Variants in ATP5MK observed in about 807,000 individuals in gnomAD.
ATP5MK encodes the protein ATP synthase membrane subunit k, also known as ATP synthase F(0) complex subunit k, mitochondrial.
ATP5MK carries 5 observed loss-of-function variants against 6.6 expected under a neutral mutation model. That is an observed-to-expected ratio of 0.76 (90% CI 0.40 to 1.60). The LOEUF is 1.60. Among genes scored for constraint, ATP5MK ranks in the 40% most tolerant of loss-of-function variants. ATP5MK has a pLI of 0.02. For missense variants in ATP5MK, 57 were observed against 66.6 expected (o/e 0.86, Z 0.50); for synonymous variants, 30 against 24.5 (o/e 1.22, Z -0.66).
At chr10:103,394,316 G>A (rs1447713037) in intron 2 of ATP5MK, 2 of 534,046 alleles carry the variant, frequency 3.7e-6, no homozygotes, top group Non-Finnish European at 3.9e-6. Context: ...CCGACGCCAC[G>A]CCGAGTCGAT....
At chr10:103,389,686 T>G (rs1445963269) in intron 4 of ATP5MK, among the ~76,000 whole-genome samples, 1 of 152,150 alleles carries the variant, frequency 6.6e-6, no homozygotes, top group Non-Finnish European at 1.5e-5. Flanking sequence ...CAATTTAGTA[T>G]GATCCTAAAG....
rs937745577 is a variant in ATP5MK, at chr10:103,392,608, A to T, written c.-9-142T>A. The stretch of plus-strand genomic sequence containing the variant: ...TTTTTATCTATATCTCACCCAACAC[A>T]GTAGTAGCAAAGATGGTGGAAAAAG... On this transcript the variant is annotated intron_variant, in intron 2 of 4. Coordinates refer to ENST00000369815, the MANE Select transcript of ATP5MK (RefSeq NM_001206427.2). 6 of 620,426 alleles carry T rather than the reference A, an allele frequency of 9.7e-6. No homozygotes were observed. The East Asian group carries it at 1.7e-4, about 18-fold the overall frequency. The allele number at this position is 620,426 out of a possible 1,614,324, so 38.4% of individuals were successfully genotyped here. A position where few individuals can be genotyped will look rare whatever the true frequency, so the allele number is the denominator to read the frequency against.
intron 4 of ATP5MK, among the ~76,000 whole-genome samples, chr10:103,390,012 G>T (rs1277369509): frequency 6.6e-6 from 1 of 152,092 alleles, no homozygotes; most frequent in African/African-American, 2.4e-5. Context: ...GATTACAGGC[G>T]TGAGCCACCA....
At chr10:103,394,256 A>G (rs147668271) in intron 2 of ATP5MK, 27 of 531,756 alleles carry the variant, frequency 5.1e-5, no homozygotes, top group African/African-American at 4.8e-4. Context: ...TCAAAAGGTC[A>G]CCAGAACAAG....
At chr10:103,392,709 A>G (rs1417429904) in intron 2 of ATP5MK, among the ~76,000 whole-genome samples, 1 of 152,226 alleles carries the variant, frequency 6.6e-6, no homozygotes, top group Non-Finnish European at 1.5e-5. Context: ...GAATACATCA[A>G]ATCACACAAT....
At chr10:103,394,323 C>T (rs374765951) in intron 2 of ATP5MK, 14 of 533,952 alleles carry the variant, frequency 2.6e-5, no homozygotes, top group Non-Finnish European at 4.2e-5. Flanking sequence ...CACGCCGAGT[C>T]GATTGGCAAC....
chr10:103,392,325 T>C (rs2093417028), intron 3 of ATP5MK, 42 bp from the exon 4 acceptor site: 3 of 1,596,020 alleles, frequency 1.9e-6, no homozygotes, highest in East Asian at 2.2e-5. Flanking sequence ...TGTTGTTCCA[T>C]CTATATTATT....
At chr10:103,395,133 G>T (rs17115628) in intron 2 of ATP5MK, among the ~76,000 whole-genome samples, 1,730 of 152,244 alleles carry the variant, frequency 0.011, 28 homozygotes, top group African/African-American at 0.039. Context: ...CGGGATTGTT[G>T]CTGGTGAGAT....
intron 2 of ATP5MK, chr10:103,394,239 G>A (rs1592101958): frequency 1.9e-6 from 1 of 525,514 alleles, no homozygotes; most frequent in South Asian, 1.4e-5. Context: ...TTATAGACAA[G>A]ACGTATTCAA....
intron 2 of ATP5MK, chr10:103,394,497 T>A: frequency 2.8e-6 from 1 of 357,776 alleles, no homozygotes; most frequent in Non-Finnish European, 6.0e-6. Context: ...TGTAAAGAAT[T>A]GGCAATGAAA....
chr10:103,395,222 CT>C (rs1049955278), intron 2 of ATP5MK, among the ~76,000 whole-genome samples: 1 of 152,108 alleles, frequency 6.6e-6, no homozygotes, highest in African/African-American at 2.4e-5. Context: ...TAAAGGAACC[CT>C]TGTGTTTACA....
chr10:103,394,187 A>C (rs2093423039), intron 2 of ATP5MK: 1 of 438,346 alleles, frequency 2.3e-6, no homozygotes, highest in Non-Finnish European at 5.0e-6. Context: ...AAGGCAGCTT[A>C]ATCTATAGTA....
At chr10:103,391,837 GCT>G (rs2093415416) in intron 4 of ATP5MK, among the ~76,000 whole-genome samples, 1 of 150,928 alleles carries the variant, frequency 6.6e-6, no homozygotes, top group African/African-American at 2.4e-5. Context: ...ACACGATTTT[GCT>G]CTTTCGCCCA....
At chr10:103,394,380 G>GTTT in intron 2 of ATP5MK, 1 of 526,158 alleles carries the variant, frequency 1.9e-6, no homozygotes, top group South Asian at 1.4e-5. Flanking sequence ...GGCAGTGACA[G>GTTT]TGACTCAGCT....
At chr10:103,394,621 GA>G (rs901467892) in intron 2 of ATP5MK, among the ~76,000 whole-genome samples, 1 of 152,102 alleles carries the variant, frequency 6.6e-6, no homozygotes, top group African/African-American at 2.4e-5. Context: ...GCCCAAGTAG[GA>G]AAATCTCCAT....
rs552212036 is a variant in ATP5MK at position 103,392,902 on chromosome 10, A to C, written c.-9-436T>G. On this transcript the variant is annotated intron_variant, in intron 2 of 4. Transcript: ENST00000369815. ...CTCAATTACAACCCCTACTTATACA[A>C]TTTTTCTTGTTATAAGTAATTTAGG... Among the ~76,000 whole-genome samples the C allele has an allele frequency of 3.3e-5, 5 of 152,254 alleles. No individual in the cohort carries two copies. In the East Asian group the frequency reaches 9.6e-4, roughly 29 times the overall value.
chr10:103,389,328 C>CTT (rs150939334), intron 4 of ATP5MK, among the ~76,000 whole-genome samples, 162 bp from the exon 5 acceptor site: 1 of 147,496 alleles, frequency 6.8e-6, no homozygotes, highest in South Asian at 2.1e-4. Context: ...CAGATTAATA[C>CTT]TTTTTTTTTT....
chr10:103,394,305 A>G, intron 2 of ATP5MK: 1 of 534,130 alleles, frequency 1.9e-6, no homozygotes. Flanking sequence ...ATCTACCACG[A>G]CCGACGCCAC....
intron 4 of ATP5MK, among the ~76,000 whole-genome samples, chr10:103,391,495 A>G (rs1419930091): frequency 6.6e-6 from 1 of 152,178 alleles, no homozygotes; most frequent in East Asian, 1.9e-4. Context: ...GTCTTGGGAC[A>G]TGGGCAATAT....
Sources: gnomAD v4.1 joint callset for allele counts (sites outside exome capture counted in the v4.1 genomes callset) on GRCh38, gnomAD v4.1.1 for gene constraint, MANE v1.5 for transcripts, NCBI Gene and HGNC (gene_info 2026-07-23, HGNC 2026-07-21) for gene names.